SGCE: variants seen among roughly 807,000 people sequenced by gnomAD.
SGCE encodes the protein epsilon-sarcoglycan.
A neutral mutation model predicts 57.8 loss-of-function variants in SGCE; 26 were observed. The observed-to-expected ratio is 0.45, with a 90% CI of 0.33 to 0.62. The LOEUF (loss-of-function observed/expected upper bound fraction) is 0.62. Among genes scored for constraint, SGCE ranks in the 20% least tolerant of loss-of-function variants. SGCE has a pLI of 0.02. For synonymous variants in SGCE, 183 were observed against 189.5 expected (o/e 0.97, Z 0.28); for missense variants, 468 against 548.6 (o/e 0.85, Z 1.47).
At chr7:94,655,952 TG>T (rs1166817535) in intron 1 of SGCE, 37 bp downstream of exon 1, 2 of 1,354,760 alleles carry the variant, frequency 1.5e-6, no homozygotes, top group South Asian at 2.4e-5. Flanking sequence ...GGCGGCCTGT[TG>T]GCCCCGGGAC....
At chr7:94,638,384 T>A (rs535576691) in intron 1 of SGCE, among the ~76,000 whole-genome samples, 2 of 152,194 alleles carry the variant, frequency 1.3e-5, no homozygotes, top group African/African-American at 4.8e-5. Flanking sequence ...GTTCCAGCTA[T>A]AAAAATGTTA....
intron 8 of SGCE, chr7:94,599,421 T>G: frequency 2.3e-6 from 1 of 426,996 alleles, no homozygotes; most frequent in Non-Finnish European, 4.1e-6. Flanking sequence ...GAAATGCAGA[T>G]TGGAAATCAC....
intron 1 of SGCE, among the ~76,000 whole-genome samples, chr7:94,636,063 C>T (rs1432126666): frequency 6.6e-6 from 1 of 152,130 alleles, no homozygotes; most frequent in Non-Finnish European, 1.5e-5. Flanking sequence ...GAGAGGAAAC[C>T]ATTACTTGAA....
chr7:94,605,238 G>C (rs563629558), intron 5 of SGCE, among the ~76,000 whole-genome samples: 2 of 151,916 alleles, frequency 1.3e-5, no homozygotes, highest in Non-Finnish European at 2.9e-5. Flanking sequence ...ATATGCAGAG[G>C]GCTCTAATGA....
intron 10 of SGCE, chr7:94,588,127 G>A: frequency 8.7e-7 from 1 of 1,151,662 alleles, no homozygotes; most frequent in Non-Finnish European, 1.1e-6. Context: ...AAATTTTTAG[G>A]GACACTTGAA....
At chr7:94,644,016 G>C (rs940656801) in intron 1 of SGCE, among the ~76,000 whole-genome samples, 1 of 152,154 alleles carries the variant, frequency 6.6e-6, no homozygotes, top group African/African-American at 2.4e-5. Flanking sequence ...AATCTTAAAA[G>C]GAAGAGAACG....
chr7:94,638,029 G>C (rs2117030210), intron 1 of SGCE, among the ~76,000 whole-genome samples: 1 of 152,292 alleles, frequency 6.6e-6, no homozygotes, highest in Middle Eastern at 3.4e-3. Flanking sequence ...CAAGAAACCA[G>C]CCAGATAAGG....
rs759798699 is a variant in SGCE, at chr7:94,600,620, T to C, written c.1037+26A>G. On this transcript the variant is annotated intron_variant, in intron 7 of 10. Transcript: ENST00000648936. ...TTGTTATCTTAGCAGGATCTCTAAT[T>C]ATCTTATTAGTTTTAAAGTACTCAC... 10 of 1,522,626 alleles carry C rather than the reference T, an allele frequency of 6.6e-6. No homozygotes were observed. In the Admixed American group the frequency reaches 1.3e-4, roughly 20 times the overall value. 94.3% of individuals were successfully genotyped at this position (1,522,626 alleles called of 1,614,324 possible).
intron 10 of SGCE, chr7:94,587,867 A>G: frequency 6.6e-7 from 1 of 1,522,416 alleles, no homozygotes; most frequent in East Asian, 2.6e-5. Flanking sequence ...AAAACATCCA[A>G]CACATTTCTG....
chr7:94,588,799 AC>A, intron 9 of SGCE, 67 bp from the exon 10 acceptor site: 1 of 1,601,706 alleles, frequency 6.2e-7, no homozygotes, highest in Non-Finnish European at 8.5e-7. Context: ...GAGCAGACAT[AC>A]TAGAATGAAA....
At chr7:94,620,386 A>C (rs1802568147) in intron 4 of SGCE, 1 of 152,114 alleles carries the variant, frequency 6.6e-6, no homozygotes, top group African/African-American at 2.4e-5. Context: ...ATTTTGTTAG[A>C]TTTCCTTAAT....
chr7:94,597,144 T>C (rs1798523197), intron 9 of SGCE: 1 of 152,138 alleles, frequency 6.6e-6, no homozygotes, highest in Non-Finnish European at 1.5e-5. Flanking sequence ...TACAACTAAA[T>C]TTTGTAGACT....
At chr7:94,632,520 A>G (rs543992181) in intron 1 of SGCE, among the ~76,000 whole-genome samples, 1 of 152,240 alleles carries the variant, frequency 6.6e-6, no homozygotes, top group South Asian at 2.1e-4. Flanking sequence ...CTCCACAGTA[A>G]AGGCTGCTTC....
intron 5 of SGCE, among the ~76,000 whole-genome samples, chr7:94,605,711 TA>T (rs1457784179): frequency 4.6e-5 from 7 of 151,510 alleles, no homozygotes; most frequent in Non-Finnish European, 1.0e-4. Context: ...AAAACAATCA[TA>T]AAAAATGCTC....
Position 94,623,608 on chromosome 7 carries a change from C to A in SGCE, c.391-211G>T, listed in dbSNP as rs1803192630. ...TAATTAGTCAGGTCTATTTAATATA[C>A]TGAAACAAAAAGTTAAAATCAGAAA... On this transcript the variant is annotated intron_variant, in intron 3 of 10. Coordinates refer to ENST00000648936, the MANE Select transcript of SGCE (RefSeq NM_003919.3). 3 of 513,750 alleles carry A rather than the reference C, an allele frequency of 5.8e-6. No homozygotes were observed. In the South Asian group the frequency reaches 1.0e-4, roughly 18 times the overall value. The allele number at this position is 513,750 out of a possible 1,614,324, so 31.8% of individuals were successfully genotyped here.
chr7:94,634,654 C>T (rs532352628), intron 1 of SGCE, among the ~76,000 whole-genome samples: 3 of 152,280 alleles, frequency 2.0e-5, no homozygotes, highest in Admixed American at 2.0e-4. Context: ...ACACATAGGG[C>T]TCTGCTAGAT....
In SGCE at chr7:94,628,251, A is replaced by G; in HGVS notation, c.341T>C (p.Leu114Pro). ...ATTTTCAGCTGTTGGGGACCCATAT[A>G]GGACTCCATCACTATATGGTGTCCT... ...IQRTPYSDGV[L>P]YGSPTAENVG... The change falls in exon 3 of 11, where the codon CTA becomes CCA. Residue 114 changes from leucine (L) to proline (P), a missense_variant. Physicochemically the swap from Leu to Pro is moderately conservative, Grantham distance 98 (BLOSUM62 -3). Transcript: ENST00000648936. 6.2e-7 allele frequency: 1 copy of G among 1,612,110 alleles called. No homozygotes were observed. The highest frequency in any genetic ancestry group is 1.1e-5 in the South Asian group (1 of 90,994).
At chr7:94,649,279 A>G (rs982206957) in intron 1 of SGCE, among the ~76,000 whole-genome samples, 2 of 152,280 alleles carry the variant, frequency 1.3e-5, no homozygotes. Flanking sequence ...TCTACCAAAG[A>G]GTGACCGAAG....
chr7:94,616,596 A>AATCATAAT (rs1290288857), intron 5 of SGCE, among the ~76,000 whole-genome samples: 1 of 152,208 alleles, frequency 6.6e-6, no homozygotes, highest in East Asian at 1.9e-4. Flanking sequence ...GTGAATTAAA[A>AATCATAAT]ATCATAATAT....
Sources: gnomAD v4.1 joint callset for allele counts (sites outside exome capture counted in the v4.1 genomes callset) on GRCh38, gnomAD v4.1.1 for gene constraint, MANE v1.5 for transcripts, NCBI Gene and HGNC (gene_info 2026-07-23, HGNC 2026-07-21) for gene names.